KLHL5: variants seen among roughly 807,000 people sequenced by gnomAD.
KLHL5 encodes kelch-like protein 5.
In KLHL5, 48 loss-of-function variants were observed where a neutral mutation model predicts 77.7. That is an observed-to-expected ratio of 0.62 (90% confidence interval 0.49 to 0.79). The LOEUF is 0.79. Ranked by LOEUF, KLHL5 falls within the 30% of genes least tolerant of loss-of-function variation. KLHL5 has a pLI of 0.00. For synonymous variants in KLHL5, 260 were observed against 297.0 expected, an observed-to-expected ratio of 0.88 and a Z score of 1.28; for missense variants, 723 against 859.7, an observed-to-expected ratio of 0.84 and a Z score of 1.99.
At chr4:39,050,202 T>A (rs917287593) in intron 1 of KLHL5, among the ~76,000 whole-genome samples, 3 of 152,194 alleles carry the variant, frequency 2.0e-5, no homozygotes, top group Non-Finnish European at 4.4e-5. Context: ...CACACATATA[T>A]AAAATAGTGA....
chr4:39,096,835 T>C lies in KLHL5; in HGVS notation c.1257T>C (p.Thr419=). Residue 419 remains threonine, a synonymous_variant, in exon 6 of 11, where the codon ACT becomes ACC. Transcript: ENST00000504108. ...CTCGGACAAAACCTAGGAAGTCAAC[T>C]GTTGGTACATTATTTGCAGTTGGGG... The part of the protein sequence containing the change: ...QSPRTKPRKS[T]VGTLFAVGGM... 6.2e-7 allele frequency: 1 copy of C among 1,613,950 alleles called. No individual in the cohort carries two copies. The highest frequency in any genetic ancestry group is 1.1e-5 in the South Asian group (1 of 91,078).
chr4:39,074,486 C>G (rs1560415659), intron 1 of KLHL5, among the ~76,000 whole-genome samples: 1 of 152,154 alleles, frequency 6.6e-6, no homozygotes, highest in Non-Finnish European at 1.5e-5. Flanking sequence ...TGTTCTTAGC[C>G]ACTTTAAGGT....
chr4:39,106,920 AT>A (rs747221866), intron 7 of KLHL5, among the ~76,000 whole-genome samples: 3 of 140,792 alleles, frequency 2.1e-5, no homozygotes, highest in Admixed American at 7.2e-5. Context: ...AAAAAAAAAA[AT>A]TTGTAGAGAT....
the KLHL5 span, among the ~76,000 whole-genome samples, chr4:39,136,366 G>C: frequency 2.0e-5 from 3 of 152,074 alleles, no homozygotes; most frequent in Admixed American, 1.3e-4. Flanking sequence ...CACCATGTTG[G>C]CCAGGCTGGT....
the KLHL5 span, among the ~76,000 whole-genome samples, chr4:39,141,776 T>TA: frequency 4.4e-4 from 67 of 151,966 alleles, no homozygotes; most frequent in African/African-American, 1.3e-3. Flanking sequence ...TGTATCTATT[T>TA]AAAAAAAGAA....
At chr4:39,098,970 T>C (rs1721316717) in intron 6 of KLHL5, among the ~76,000 whole-genome samples, 1 of 152,154 alleles carries the variant, frequency 6.6e-6, no homozygotes, top group Non-Finnish European at 1.5e-5. Context: ...TAAGAATTCT[T>C]TGTACCACTC....
rs1159572237 is a variant in KLHL5, at chr4:39,090,452, T to G, written c.1113+3725T>G. Among the ~76,000 whole-genome samples the G allele has an allele frequency of 8.6e-5, 13 of 150,852 alleles. No homozygotes were observed. In the East Asian group the frequency reaches 2.1e-3, roughly 25 times the overall value. ...ACCAAATGATCCTTTTTGTATGGTT[T>G]TTTTTTTTTTTTTTAGACTGAGTTT... On this transcript the variant is annotated intron_variant, in intron 5 of 10. Transcript: ENST00000504108.
upstream of KLHL5, chr4:39,045,038 C>T (rs1225599017): frequency 2.0e-6 from 2 of 993,528 alleles, no homozygotes; most frequent in South Asian, 4.4e-5. Flanking sequence ...CTCCCCCGCT[C>T]CTCCCGCCTG....
rs149553493 is a variant in KLHL5, at chr4:39,088,171, A to G, written c.1113+1444A>G. Among the ~76,000 whole-genome samples, 167 of 152,338 alleles carry G rather than the reference A, an allele frequency of 1.1e-3. 1 individual carries two copies. Among genetic ancestry groups the G allele is most frequent in the African/African-American group, 3.8e-3 (157 of 41,574 alleles). Reference sequence around the variant, plus strand: ...GACTTTGAGAAGAATCTGTGTAATTAAGTAACCTGACAATTGACTTCACTT... The same window carrying G: ...GACTTTGAGAAGAATCTGTGTAATTGAGTAACCTGACAATTGACTTCACTT... On this transcript the variant is annotated intron_variant, in intron 5 of 10. Coordinates refer to ENST00000504108, the MANE Select transcript of KLHL5 (RefSeq NM_015990.5).
chr4:39,099,563 A>G (rs965947605), intron 6 of KLHL5, among the ~76,000 whole-genome samples: 3 of 152,142 alleles, frequency 2.0e-5, no homozygotes, highest in African/African-American at 7.2e-5. Context: ...AACAGGCCAA[A>G]CATTTTATCC....
rs1717538351 is a variant in KLHL5, at chr4:39,062,685, A to G, written c.33A>G (p.Lys11=). 1 of 1,614,116 alleles carries G rather than the reference A, an allele frequency of 6.2e-7. No individual in the cohort carries two copies. Among genetic ancestry groups the G allele is most frequent in the Non-Finnish European group, 8.5e-7 (1 of 1,180,000 alleles). Residue 11 remains lysine (K), a synonymous_variant, in exon 1 of 11, where the codon AAA becomes AAG. Transcript: ENST00000504108. ...GTTCTCGTAAAGAGTTTGATGTGAA[A>G]CAGATTTTGAAAATCAGATGGAGGT... MSGSRKEFDV[K]QILKIRWRWF... is the part of the protein sequence containing the mutation.
At chr4:39,083,480 G>A (rs566162862) in intron 4 of KLHL5, among the ~76,000 whole-genome samples, 44 of 152,246 alleles carry the variant, frequency 2.9e-4, no homozygotes, top group Admixed American at 5.2e-4. Context: ...TTTTATGATA[G>A]TCACAGAGTC....
At chr4:39,117,484 T>C (rs1288090388) in intron 10 of KLHL5, among the ~76,000 whole-genome samples, 1 of 152,122 alleles carries the variant, frequency 6.6e-6, no homozygotes, top group Non-Finnish European at 1.5e-5. Flanking sequence ...ATTTAGAGGA[T>C]TGCTTCAGTT....
At chr4:39,112,747 A>G in intron 8 of KLHL5, 1 of 392,488 alleles carries the variant, frequency 2.5e-6, no homozygotes, top group South Asian at 2.9e-5. Context: ...ATTACAACCA[A>G]TGGTGACTTG....
At chr4:39,142,533 C>CA in the KLHL5 span, among the ~76,000 whole-genome samples, 2 of 152,132 alleles carry the variant, frequency 1.3e-5, no homozygotes, top group African/African-American at 4.8e-5. Context: ...TGAAACTAAG[C>CA]ATGGACTCAT....
chr4:39,094,907 C>T (rs1485891069), intron 5 of KLHL5, among the ~76,000 whole-genome samples: 1 of 152,042 alleles, frequency 6.6e-6, no homozygotes, highest in Non-Finnish European at 1.5e-5. Flanking sequence ...GCAATAAAAT[C>T]TTGCCAGATA....
chr4:39,072,469 A>G (rs1718570428), intron 1 of KLHL5, among the ~76,000 whole-genome samples: 1 of 152,218 alleles, frequency 6.6e-6, no homozygotes, highest in African/African-American at 2.4e-5. Context: ...CTAGACCAGC[A>G]CTGCACAATG....
chr4:39,076,204 G>A (rs1719022905), intron 2 of KLHL5, 57 bp downstream of exon 2: 2 of 1,431,988 alleles, frequency 1.4e-6, no homozygotes, highest in Non-Finnish European at 1.9e-6. Flanking sequence ...ATTTAGATAT[G>A]TATATTGAGG....
chr4:39,081,994 G>C lies in KLHL5; in HGVS notation c.735G>C (p.Glu245Asp). 12 of 1,606,168 alleles carry C rather than the reference G, an allele frequency of 7.5e-6. No individual in the cohort carries two copies. The highest frequency in any genetic ancestry group is 1.0e-5 in the Non-Finnish European group (12 of 1,177,590). Reference protein sequence around the residue: ...GRLELKEDNIECLLSTACLLQ... With the variant: ...GRLELKEDNIDCLLSTACLLQ... ...TTGAATTAAAAGAAGATAATATTGA[G>C]TGCCTGTTATCTACAGCTTGCCTTC... Residue 245 changes from glutamate to aspartate, a missense_variant, in exon 4 of 11, where the codon GAG becomes GAC. This residue lies in a region of KLHL5 where 288 missense variants were observed against 400.3 expected (regional missense o/e 0.72). Transcript: ENST00000504108. This position sits in a 1 kb window ranked among gnomAD's most constrained non-coding sequence, Gnocchi z 4.3.
Sources: gnomAD v4.1 joint callset for allele counts (sites outside exome capture counted in the v4.1 genomes callset) on GRCh38, gnomAD v4.1.1 for gene constraint, gnomAD v4.1.1 regional missense constraint, Gnocchi (gnomAD v3.1) non-coding constraint, MANE v1.5 for transcripts, NCBI Gene and HGNC (gene_info 2026-07-23, HGNC 2026-07-21) for gene names.